The following CAMSAP2 variants were observed in gnomAD, a reference collection of about 807,000 sequenced individuals.
CAMSAP2 encodes calmodulin-regulated spectrin-associated protein 2.
In CAMSAP2, 26 loss-of-function variants were observed where a neutral mutation model predicts 146.1. The ratio of observed to expected loss-of-function variants is 0.18; its 90% CI spans 0.13 to 0.25. CAMSAP2 has a LOEUF of 0.25. CAMSAP2 is among the 10% of genes least tolerant of loss of function. The pLI is 1.00. For missense variants in CAMSAP2, 1,381 were observed against 1,759.3 expected, an observed-to-expected ratio of 0.78 and a Z score of 3.85; for synonymous variants, 499 against 596.6, an observed-to-expected ratio of 0.84 and a Z score of 2.38.
intron 11 of CAMSAP2, 96 bp from the exon 12 acceptor site, chr1:200,852,445 G>C: frequency 7.2e-7 from 1 of 1,386,604 alleles, no homozygotes; most frequent in Non-Finnish European, 9.9e-7. Context: ...CAAACTTTCA[G>C]TTATAGGACT....
At chr1:200,822,252 TC>T (rs1487410774) in intron 4 of CAMSAP2, among the ~76,000 whole-genome samples, 2 of 152,068 alleles carry the variant, frequency 1.3e-5, no homozygotes, top group Non-Finnish European at 2.9e-5. Context: ...AATATATATT[TC>T]CTAAGAACAA....
chr1:200,839,747 A>G, intron 6 of CAMSAP2, among the ~76,000 whole-genome samples: 1 of 152,172 alleles, frequency 6.6e-6, no homozygotes, highest in East Asian at 1.9e-4. Context: ...CATTGGGTAC[A>G]GTGTACACTG....
intron 2 of CAMSAP2, among the ~76,000 whole-genome samples, chr1:200,797,877 G>A (rs1260308242): frequency 1.3e-5 from 2 of 148,518 alleles, no homozygotes; most frequent in East Asian, 4.0e-4. Context: ...TCCAGTTTCA[G>A]CTTTCTACAT....
intron 11 of CAMSAP2, among the ~76,000 whole-genome samples, chr1:200,852,048 C>G (rs1461079330): frequency 1.3e-5 from 2 of 152,152 alleles, no homozygotes; most frequent in East Asian, 3.9e-4. Flanking sequence ...CATTATAGTT[C>G]AGAACCTATC....
chr1:200,851,985 A>G (rs1428318764), intron 11 of CAMSAP2, among the ~76,000 whole-genome samples: 1 of 152,224 alleles, frequency 6.6e-6, no homozygotes, highest in Non-Finnish European at 1.5e-5. Flanking sequence ...AATTAAAAGT[A>G]CTGTAGAAGG....
chr1:200,857,261 C>A lies in CAMSAP2; in HGVS notation c.4013-45C>A. 2 of 1,234,764 alleles carry A rather than the reference C, an allele frequency of 1.6e-6. No individual in the cohort carries two copies. The highest frequency in any genetic ancestry group is 2.4e-6 in the Non-Finnish European group (2 of 841,684). 76.5% of individuals were successfully genotyped at this position (1,234,764 alleles called of 1,614,324 possible). On this transcript the variant is annotated intron_variant, in intron 15 of 16. Transcript: ENST00000358823. The surrounding 1 kb of genome is among the most constrained non-coding windows in gnomAD (Gnocchi z 4.7). ...CATTTTAAAATAGTAGTATTTCTGA[C>A]TTAGGAATGTTATTTTTATTATTGT...
chr1:200,788,569 G>A (rs1665658823), intron 2 of CAMSAP2, among the ~76,000 whole-genome samples: 1 of 151,918 alleles, frequency 6.6e-6, no homozygotes, highest in Non-Finnish European at 1.5e-5. Context: ...CAGTGTTGTG[G>A]ATTTAGACGT....
intron 2 of CAMSAP2, among the ~76,000 whole-genome samples, chr1:200,800,439 T>A (rs887422025): frequency 6.6e-5 from 10 of 152,148 alleles, no homozygotes; most frequent in Admixed American, 4.6e-4. Flanking sequence ...TGTCTTTTTT[T>A]ATCTTTGTTG....
chr1:200,782,901 C>A (rs891057241), intron 2 of CAMSAP2, among the ~76,000 whole-genome samples: 1 of 150,886 alleles, frequency 6.6e-6, no homozygotes. Context: ...ATTCTCCCAC[C>A]TCTGCCTCCC....
At chr1:200,818,980 T>C (rs1666678273) in intron 4 of CAMSAP2, among the ~76,000 whole-genome samples, 1 of 152,204 alleles carries the variant, frequency 6.6e-6, no homozygotes, top group South Asian at 2.1e-4. Flanking sequence ...ATCTTACCTT[T>C]TGTCCTTGCC....
intron 2 of CAMSAP2, among the ~76,000 whole-genome samples, chr1:200,771,926 A>C (rs951251045): frequency 2.0e-5 from 3 of 152,302 alleles, no homozygotes; most frequent in African/African-American, 7.2e-5. Context: ...AGTAAATTAC[A>C]GCTAATTTAA....
At chr1:200,755,161 G>C (rs1330900981) in intron 1 of CAMSAP2, among the ~76,000 whole-genome samples, 1 of 152,208 alleles carries the variant, frequency 6.6e-6, no homozygotes, top group Non-Finnish European at 1.5e-5. Context: ...TCAAGGAGCA[G>C]TGTTGCTTTT....
At position 200,816,830 on chromosome 1, in the gene CAMSAP2, GCGTGTGTATGTGTGTACACACACA is replaced by G. The variant is rs1455046300; in HGVS notation, c.645+1189_645+1212del. ...TGTATATATGTGTGTACACACACACGCGTGTGTATGTGTGTACACACACACGCGTGTGTATGTGTGTACACACAC... is the reference window on the plus strand; with the variant it reads ...TGTATATATGTGTGTACACACACACGCGCGTGTGTATGTGTGTACACACAC... On this transcript the variant is annotated intron_variant, in intron 4 of 16. Transcript: ENST00000358823. Among the ~76,000 whole-genome samples the G allele has an allele frequency of 2.5e-4, 23 of 90,908 alleles. 6 individuals are homozygous for G. Among genetic ancestry groups the G allele is most frequent in the Non-Finnish European group, 3.9e-4 (18 of 45,956 alleles). 59.6% of individuals were successfully genotyped at this position (90,908 alleles called of 152,430 possible).
chr1:200,821,314 T>C (rs1420992652), intron 4 of CAMSAP2, among the ~76,000 whole-genome samples: 1 of 151,900 alleles, frequency 6.6e-6, no homozygotes, highest in Non-Finnish European at 1.5e-5. Flanking sequence ...TCCCAACTAC[T>C]TGGGACTACA....
At position 200,853,551 on chromosome 1, in the gene CAMSAP2, T is replaced by C; in HGVS notation, c.3823+56T>C. ...ATAAAAAACACCAGCTTGATTGGTT[T>C]GTCATACTAACTTGGTTGTACTTTG... is the stretch of plus-strand genomic sequence containing the variant. On this transcript the variant is annotated intron_variant, in intron 13 of 16. Transcript: ENST00000358823. This position sits in a 1 kb window ranked among gnomAD's most constrained non-coding sequence, Gnocchi z 5.1. 7.4e-7 allele frequency: 1 copy of C among 1,353,922 alleles called. No homozygotes were observed. The allele number at this position is 1,353,922 out of a possible 1,614,324, so 83.9% of individuals were successfully genotyped here.
At position 200,848,990 on chromosome 1, in the gene CAMSAP2, G is replaced by A. The variant is rs1198910413; in HGVS notation, c.2221G>A (p.Asp741Asn). Residue 741 changes from aspartate to asparagine, a missense_variant, in exon 11 of 17, where the codon GAC becomes AAC. Asp to Asn is a conservative substitution (Grantham distance 23). Coordinates refer to ENST00000358823, the MANE Select transcript of CAMSAP2 (RefSeq NM_203459.4). ...PEETGLPQGRDTTQLLASEMV... is the reference protein window; with the variant it reads ...PEETGLPQGRNTTQLLASEMV... ...AGAAACAGGGCTTCCACAGGGACGG[G>A]ACACTACCCAGCTGTTGGCCTCTGA... 1 of 1,614,144 alleles carries A rather than the reference G, an allele frequency of 6.2e-7. No individual in the cohort carries two copies. Among genetic ancestry groups the A allele is most frequent in the Non-Finnish European group, 8.5e-7 (1 of 1,180,016 alleles).
intron 4 of CAMSAP2, among the ~76,000 whole-genome samples, chr1:200,824,257 C>G (rs1405366150): frequency 6.7e-6 from 1 of 149,770 alleles, no homozygotes; most frequent in East Asian, 1.9e-4. Context: ...TTTGCCCCTC[C>G]TTATTTAATT....
chr1:200,850,612 A>C (rs1667595106), intron 11 of CAMSAP2, among the ~76,000 whole-genome samples: 1 of 152,154 alleles, frequency 6.6e-6, no homozygotes, highest in African/African-American at 2.4e-5. Context: ...TAGATATTAA[A>C]ATTTACTGCC....
chr1:200,813,304 C>T (rs575341481), intron 3 of CAMSAP2, among the ~76,000 whole-genome samples: 3 of 152,350 alleles, frequency 2.0e-5, no homozygotes, highest in African/African-American at 4.8e-5. Flanking sequence ...CGAAAGGCTA[C>T]ACCTCTTAAT....
Sources: allele counts gnomAD v4.1 joint callset (sites outside exome capture counted in the v4.1 genomes callset), GRCh38; gene constraint gnomAD v4.1.1; non-coding constraint Gnocchi (gnomAD v3.1); transcripts MANE v1.5; gene names NCBI Gene and HGNC (gene_info 2026-07-23, HGNC 2026-07-21).